UBR4: variants seen among roughly 807,000 people sequenced by gnomAD.
The protein encoded by UBR4 is E3 ubiquitin-protein ligase UBR4.
In UBR4, 124 loss-of-function variants were observed where a neutral mutation model predicts 575.6. The observed-to-expected ratio is 0.22, with a 90% CI of 0.19 to 0.25. The LOEUF (loss-of-function observed/expected upper bound fraction) is 0.25, where lower values mean the gene tolerates loss of function less well. Among genes scored for constraint, UBR4 ranks in the 10% least tolerant of loss-of-function variants. UBR4 has a pLI of 1.00. For missense variants in UBR4, 4,818 were observed against 6,478.8 expected, an observed-to-expected ratio of 0.74 and a Z score of 8.80; for synonymous variants, 2,455 against 2,473.7, an observed-to-expected ratio of 0.99 and a Z score of 0.22.
At chr1:19,189,577 T>C (rs1186151240) in intron 11 of UBR4, among the ~76,000 whole-genome samples, 1 of 152,242 alleles carries the variant, frequency 6.6e-6, no homozygotes, top group Non-Finnish European at 1.5e-5. Context: ...ATTTTATATG[T>C]GCACAGAAAA....
chr1:19,110,894 C>T lies in UBR4; in HGVS notation c.11802-62G>A, dbSNP rs2079782118. 1 of 1,505,306 alleles carries T rather than the reference C, an allele frequency of 6.6e-7. No homozygotes were observed. Among genetic ancestry groups the T allele is most frequent in the Non-Finnish European group, 9.1e-7 (1 of 1,098,404 alleles). 93.2% of individuals were successfully genotyped at this position (1,505,306 alleles called of 1,614,324 possible). On this transcript the variant is annotated intron_variant, in intron 78 of 105. Coordinates refer to ENST00000375254, the MANE Select transcript of UBR4 (RefSeq NM_020765.3). The surrounding 1 kb of genome is among the most constrained non-coding windows in gnomAD (Gnocchi z 4.5). Reference sequence around the variant, plus strand: ...CAATCAGGTGTGACACTCCTTTCCACCTGAAGGGGCCCAGGGAAAATGAAA... The same window carrying T: ...CAATCAGGTGTGACACTCCTTTCCATCTGAAGGGGCCCAGGGAAAATGAAA...
chr1:19,117,804 ATG>A lies in UBR4; in HGVS notation c.10629+17_10629+18del. On this transcript the variant is annotated intron_variant, in intron 72 of 105. Transcript: ENST00000375254. The surrounding 1 kb of genome is among the most constrained non-coding windows in gnomAD (Gnocchi z 4.0). Reference sequence around the variant, plus strand: ...GGACCTATTGGCCTCAGGACTGTCCATGTACAGATGTTACTTACACAGAACGG... The same window carrying A: ...GGACCTATTGGCCTCAGGACTGTCCATACAGATGTTACTTACACAGAACGG... 3 of 1,612,024 alleles carry A rather than the reference ATG, an allele frequency of 1.9e-6. No individual in the cohort carries two copies. Among genetic ancestry groups the A allele is most frequent in the Non-Finnish European group, 2.5e-6 (3 of 1,178,070 alleles).
At chr1:19,122,221 C>G (rs556454853) in intron 66 of UBR4, among the ~76,000 whole-genome samples, 28 of 152,234 alleles carry the variant, frequency 1.8e-4, no homozygotes, top group Non-Finnish European at 3.4e-4. Flanking sequence ...CCGAACCTGC[C>G]TTTGTTCTAC....
intron 1 of UBR4, among the ~76,000 whole-genome samples, chr1:19,204,969 T>C (rs1220627086): frequency 1.3e-5 from 2 of 150,928 alleles, no homozygotes; most frequent in African/African-American, 4.9e-5. Flanking sequence ...GACAAAAAGT[T>C]AAGTAGGAAG....
intron 94 of UBR4, among the ~76,000 whole-genome samples, chr1:19,094,559 C>G (rs1038597526): frequency 6.6e-6 from 1 of 152,188 alleles, no homozygotes; most frequent in African/African-American, 2.4e-5. Flanking sequence ...TGTACCACAG[C>G]TGAGGAAATG....
At chr1:19,150,915 C>T in intron 48 of UBR4, 122 bp from the exon 49 acceptor site, 4 of 946,536 alleles carry the variant, frequency 4.2e-6, no homozygotes, top group Non-Finnish European at 6.4e-6. Context: ...CATAGAGAAA[C>T]TTTATCTTCT....
At chr1:19,171,667 C>T (rs955487321) in intron 25 of UBR4, among the ~76,000 whole-genome samples, 1 of 152,034 alleles carries the variant, frequency 6.6e-6, no homozygotes, top group Non-Finnish European at 1.5e-5. Flanking sequence ...ATGGAGAAAC[C>T]CCATTTCTAC....
chr1:19,113,062 C>T, intron 77 of UBR4, 195 bp from the exon 78 acceptor site: 2 of 593,384 alleles, frequency 3.4e-6, no homozygotes, highest in Non-Finnish European at 5.6e-6. Flanking sequence ...AGTGGCTTGA[C>T]CAAGATAAGT....
chr1:19,134,471 T>C (rs2082960468), intron 60 of UBR4, among the ~76,000 whole-genome samples: 1 of 152,102 alleles, frequency 6.6e-6, no homozygotes, highest in Admixed American at 6.5e-5. Flanking sequence ...GATTATCAGA[T>C]ACATAGTCAA....
rs527994044 is a variant in UBR4 at position 19,187,340 on chromosome 1, C to G, written c.1495-39G>C. The G allele has an allele frequency of 1.1e-5, 18 of 1,609,158 alleles. No individual in the cohort carries two copies. In the South Asian group the frequency reaches 1.8e-4, roughly 16 times the overall value. Reference sequence around the variant, plus strand: ...TATCAAAGGGCAATTAATGATACTACTCAGCCAGAAAAAACAACTTGAGTT... The same window carrying G: ...TATCAAAGGGCAATTAATGATACTAGTCAGCCAGAAAAAACAACTTGAGTT... On this transcript the variant is annotated intron_variant, in intron 12 of 105. Transcript: ENST00000375254.
At position 19,147,999 on chromosome 1, in the gene UBR4, G is replaced by T; in HGVS notation, c.7623C>A (p.Ser2541Arg). The T allele has an allele frequency of 6.2e-7, 1 of 1,612,434 alleles. No homozygotes were observed. Residue 2541 changes from serine (S) to arginine (R), a missense_variant, in exon 51 of 106, where the codon AGC becomes AGA. By Grantham distance (110) the Ser-to-Arg change is moderately radical (BLOSUM62 -1). Transcript: ENST00000375254. ...SLHTSRSAYH[S>R]HKDQALLSKA... ...TCCCTGAGAGAACAGTTACCTTGTG[G>T]CTGTGGTAGGCCGAGCGGCTGGTGT... is the stretch of plus-strand genomic sequence containing the variant.
intron 27 of UBR4, among the ~76,000 whole-genome samples, 177 bp downstream of exon 27, chr1:19,169,256 CAT>C (rs1272496415): frequency 6.6e-6 from 1 of 152,150 alleles, no homozygotes; most frequent in African/African-American, 2.4e-5. Flanking sequence ...AGCAAAAAGC[CAT>C]ATGAGAACCA....
At chr1:19,209,639 C>CCGCA (rs750907888) in intron 1 of UBR4, among the ~76,000 whole-genome samples, 13 of 152,182 alleles carry the variant, frequency 8.5e-5, no homozygotes, top group Non-Finnish European at 1.6e-4. Flanking sequence ...ATAGCACGTG[C>CCGCA]CCCCACTGAT....
At chr1:19,205,481 A>G (rs560403013) in intron 1 of UBR4, among the ~76,000 whole-genome samples, 22 of 152,206 alleles carry the variant, frequency 1.4e-4, no homozygotes, top group African/African-American at 5.3e-4. Flanking sequence ...CTATCTTTCT[A>G]TCTATAATCT....
rs2091939691 is a variant in UBR4, at chr1:19,190,264, G to A, written c.1394+1924C>T. On this transcript the variant is annotated intron_variant, in intron 11 of 105. Coordinates refer to ENST00000375254, the MANE Select transcript of UBR4 (RefSeq NM_020765.3). ...GTTGAGACTGCACCACTACACTCCA[G>A]CCTGGGCAACAGAGCGAGACTCTGC... Among the ~76,000 whole-genome samples, 5 of 128,470 alleles carry A rather than the reference G, an allele frequency of 3.9e-5. No individual in the cohort carries two copies. The South Asian group carries it at 1.2e-3, about 32-fold the overall frequency. 84.3% of individuals were successfully genotyped at this position (128,470 alleles called of 152,430 possible). A position where few individuals can be genotyped will look rare whatever the true frequency, so the allele number is the denominator to read the frequency against.
rs578232417 is a variant in UBR4 at position 19,128,568 on chromosome 1, T to C, written c.9004-250A>G. Among the ~76,000 whole-genome samples, 3 of 152,342 alleles carry C rather than the reference T, an allele frequency of 2.0e-5. No homozygotes were observed. The South Asian group carries it at 6.2e-4, about 32-fold the overall frequency. On this transcript the variant is annotated intron_variant, in intron 61 of 105. Coordinates refer to ENST00000375254, the MANE Select transcript of UBR4 (RefSeq NM_020765.3). ...TAAAAAGTTTGTAAAATTAATGGAC[T>C]AACCTATATTATATCCAAGCAAGTA...
chr1:19,116,660 T>G (rs2080570383), intron 73 of UBR4, among the ~76,000 whole-genome samples: 1 of 152,240 alleles, frequency 6.6e-6, no homozygotes, highest in African/African-American at 2.4e-5. Context: ...AAGTCAACAC[T>G]ATAACCCATG....
chr1:19,146,801 C>T (rs41310414), intron 52 of UBR4, 25 bp downstream of exon 52: 22,564 of 1,602,976 alleles, frequency 0.014, 246 homozygotes, highest in Non-Finnish European at 0.015. Flanking sequence ...GATCTCAGGA[C>T]CACGGCCACA....
chr1:19,179,327 T>C, intron 17 of UBR4, 107 bp from the exon 18 acceptor site: 1 of 1,217,750 alleles, frequency 8.2e-7, no homozygotes, highest in Non-Finnish European at 1.1e-6. Flanking sequence ...AACAGAATAT[T>C]TTAAAGAAAG....
Sources: allele counts gnomAD v4.1 joint callset (sites outside exome capture counted in the v4.1 genomes callset), GRCh38; gene constraint gnomAD v4.1.1; non-coding constraint Gnocchi (gnomAD v3.1); transcripts MANE v1.5; gene names NCBI Gene and HGNC (gene_info 2026-07-23, HGNC 2026-07-21).